The following PXYLP1 variants were observed in gnomAD, a reference collection of about 807,000 sequenced individuals.
The protein encoded by PXYLP1 is 2-phosphoxylose phosphatase 1.
PXYLP1 carries 17 observed loss-of-function variants against 37.9 expected under a neutral mutation model. The observed-to-expected ratio is 0.45, with a 90% CI of 0.31 to 0.67. The LOEUF (loss-of-function observed/expected upper bound fraction) is 0.67. Among genes scored for constraint, PXYLP1 ranks in the 30% least tolerant of loss-of-function variants. The pLI, the probability that PXYLP1 is intolerant of heterozygous loss-of-function variation, is 0.07. For missense variants in PXYLP1, 511 were observed against 612.0 expected (o/e 0.84, Z 1.74); for synonymous variants, 221 against 232.2 (o/e 0.95, Z 0.44).
chr3:141,250,532 G>A (rs1347051501), intron 1 of PXYLP1, among the ~76,000 whole-genome samples: 1 of 152,202 alleles, frequency 6.6e-6, no homozygotes, highest in African/African-American at 2.4e-5. Context: ...CAGTGTCAGT[G>A]ATTGGTTTGA....
chr3:141,291,519 G>C (rs1942208910), intron 5 of PXYLP1: 1 of 152,130 alleles, frequency 6.6e-6, no homozygotes, highest in Admixed American at 6.5e-5. Flanking sequence ...ACTTTCCAAA[G>C]TTTCTTTATG....
intron 1 of PXYLP1, among the ~76,000 whole-genome samples, chr3:141,242,829 C>G (rs1346624282): frequency 6.6e-6 from 1 of 152,196 alleles, no homozygotes; most frequent in Non-Finnish European, 1.5e-5. Context: ...CTGAGGCAGG[C>G]AGCAATATTA....
chr3:141,252,276 C>G (rs1941155951), intron 1 of PXYLP1, among the ~76,000 whole-genome samples: 1 of 152,202 alleles, frequency 6.6e-6, no homozygotes, highest in African/African-American at 2.4e-5. Context: ...CACTGATCAG[C>G]ACACCCCCTG....
At chr3:141,233,520 G>C (rs1301799614) in intron 1 of PXYLP1, among the ~76,000 whole-genome samples, 1 of 150,642 alleles carries the variant, frequency 6.6e-6, no homozygotes, top group Non-Finnish European at 1.5e-5. Context: ...GAAGATGCAC[G>C]GGACAGCCTG....
At chr3:141,277,943 C>T (rs1289250918) in intron 2 of PXYLP1, among the ~76,000 whole-genome samples, 3 of 152,200 alleles carry the variant, frequency 2.0e-5, no homozygotes, top group Non-Finnish European at 2.9e-5. Context: ...GTCAGACACC[C>T]ACATCTGGCA....
intron 1 of PXYLP1, chr3:141,232,363 C>T (rs1198005661): frequency 2.6e-5 from 4 of 152,416 alleles, no homozygotes; most frequent in African/African-American, 9.6e-5. Context: ...GCACTCCCGC[C>T]GCTGGATTCC....
chr3:141,245,087 T>C (rs1341484707), intron 1 of PXYLP1, among the ~76,000 whole-genome samples: 3 of 145,596 alleles, frequency 2.1e-5, no homozygotes, highest in Non-Finnish European at 4.5e-5. Flanking sequence ...TTTTGCACTT[T>C]CATGCAGGCT....
At chr3:141,251,407 TG>T (rs1161007617) in intron 1 of PXYLP1, among the ~76,000 whole-genome samples, 1 of 152,198 alleles carries the variant, frequency 6.6e-6, no homozygotes, top group East Asian at 1.9e-4. Flanking sequence ...TGATCTGGAA[TG>T]GCCATATTAC....
intron 1 of PXYLP1, among the ~76,000 whole-genome samples, chr3:141,253,208 A>T (rs1438969168): frequency 6.6e-6 from 1 of 152,120 alleles, no homozygotes. Flanking sequence ...TGATGGTAGG[A>T]CACCTTGAGG....
intron 2 of PXYLP1, among the ~76,000 whole-genome samples, chr3:141,275,498 G>A (rs533204224): frequency 6.6e-6 from 1 of 152,388 alleles, no homozygotes; most frequent in South Asian, 2.1e-4. Context: ...AAGGGGCCAG[G>A]ACTTGGTAGA....
chr3:141,263,048 G>A (rs57562453), intron 2 of PXYLP1, among the ~76,000 whole-genome samples: 36,119 of 152,074 alleles, frequency 0.24, 6,235 homozygotes, highest in African/African-American at 0.49. Context: ...TGAAATGATC[G>A]TATATCTTAT....
At chr3:141,232,173 C>G (rs1201910976) in intron 1 of PXYLP1, among the ~76,000 whole-genome samples, 1 of 152,136 alleles carries the variant, frequency 6.6e-6, no homozygotes, top group African/African-American at 2.4e-5. Flanking sequence ...CCCGTGCGCC[C>G]GGTGTCCCAG....
At chr3:141,249,763 G>A (rs1941099505) in intron 1 of PXYLP1, among the ~76,000 whole-genome samples, 2 of 152,164 alleles carry the variant, frequency 1.3e-5, no homozygotes, top group South Asian at 2.1e-4. Flanking sequence ...AGTCTCAGAT[G>A]TAGCTACTTT....
chr3:141,264,209 A>C (rs961769297), intron 2 of PXYLP1, among the ~76,000 whole-genome samples: 1 of 151,970 alleles, frequency 6.6e-6, no homozygotes, highest in African/African-American at 2.4e-5. Context: ...ACCTGCAAAA[A>C]TGAGAGTGAG....
At chr3:141,240,661 C>T (rs532022028) in intron 1 of PXYLP1, among the ~76,000 whole-genome samples, 2 of 152,170 alleles carry the variant, frequency 1.3e-5, no homozygotes, top group East Asian at 1.9e-4. Flanking sequence ...GCCCCCTCCT[C>T]CCCCCAAAAA....
Position 141,292,882 on chromosome 3 carries a change from C to G in PXYLP1, c.1120C>G (p.Leu374Val), listed in dbSNP as rs1942261527. 1 of 1,614,202 alleles carries G rather than the reference C, an allele frequency of 6.2e-7. No individual in the cohort carries two copies. The highest frequency in any genetic ancestry group is 8.5e-7 in the Non-Finnish European group (1 of 1,180,042). ...TEGRKEELFA[L>V]YSAHDVTLSP... ...GGGCAGGAAAGAAGAGCTCTTTGCCCTCTACTCTGCTCATGATGTCACTCT... is the reference window on the plus strand; with the variant it reads ...GGGCAGGAAAGAAGAGCTCTTTGCCGTCTACTCTGCTCATGATGTCACTCT... Residue 374 changes from leucine (L) to valine (V), a missense_variant, in exon 6 of 6, where the codon CTC (leucine) becomes GTC (valine). By Grantham distance (32) the Leu-to-Val change is conservative (BLOSUM62 1). Transcript: ENST00000286353. The surrounding 1 kb of genome is among the most constrained non-coding windows in gnomAD (Gnocchi z 4.3).
chr3:141,278,439 C>A lies in PXYLP1; in HGVS notation c.177C>A (p.Asp59Glu). 1.2e-6 allele frequency: 2 copies of A among 1,614,194 alleles called. No individual in the cohort carries two copies. Among genetic ancestry groups the A allele is most frequent in the Non-Finnish European group, 8.5e-7 (1 of 1,180,030 alleles). The change falls in exon 3 of 6, where the codon GAC becomes GAA. Residue 59 changes from aspartate (D) to glutamate (E), a missense_variant. By Grantham distance (45) the Asp-to-Glu change is conservative. Coordinates refer to ENST00000286353, the MANE Select transcript of PXYLP1 (RefSeq NM_001037172.3). ...PDPVTEPPVT[D>E]PVYEALLYCN... ...CTGTGACGGAGCCCCCTGTGACAGA[C>A]CCCGTTTATGAAGCTCTTTTGTACT... is the stretch of plus-strand genomic sequence containing the variant.
chr3:141,283,769 T>G (rs1010109775), intron 4 of PXYLP1, among the ~76,000 whole-genome samples: 1 of 151,668 alleles, frequency 6.6e-6, no homozygotes, highest in Admixed American at 6.6e-5. Context: ...CTGCCTCTTC[T>G]GCTTGCCTTA....
rs1941064338 is a variant in PXYLP1 at position 141,248,767 on chromosome 3, GTGTATA to G, written c.-53-11354_-53-11349del. On this transcript the variant is annotated intron_variant, in intron 1 of 5. Transcript: ENST00000286353. Reference sequence around the variant, plus strand: ...TACACACGTATATATATACACACACGTGTATATATACACACGTATATATATACACAC... The same window carrying G: ...TACACACGTATATATATACACACACGTATACACACGTATATATATACACAC... Among the ~76,000 whole-genome samples the G allele has an allele frequency of 5.1e-5, 2 of 39,120 alleles. 1 individual carries two copies. Among genetic ancestry groups the G allele is most frequent in the Non-Finnish European group, 1.1e-4 (2 of 18,752 alleles). 25.7% of individuals were successfully genotyped at this position (39,120 alleles called of 152,430 possible).
Sources: gnomAD v4.1 joint callset for allele counts (sites outside exome capture counted in the v4.1 genomes callset) on GRCh38, gnomAD v4.1.1 for gene constraint, Gnocchi (gnomAD v3.1) non-coding constraint, MANE v1.5 for transcripts, NCBI Gene and HGNC (gene_info 2026-07-23, HGNC 2026-07-21) for gene names.